Variants in CHCHD3 observed in about 807,000 individuals in gnomAD.
CHCHD3 encodes the protein coiled-coil-helix-coiled-coil-helix domain containing 3, also known as MICOS complex subunit MIC19.
CHCHD3 carries 20 observed loss-of-function variants against 38.2 expected under a neutral mutation model. The ratio of observed to expected loss-of-function variants is 0.52; its 90% CI spans 0.37 to 0.76. The LOEUF is 0.76. Among genes scored for constraint, CHCHD3 ranks in the 30% least tolerant of loss-of-function variants. The probability of loss-of-function intolerance (pLI) is 0.00; values close to 1 mark genes in which losing one functional copy is unlikely to be tolerated. For missense variants in CHCHD3, 245 were observed against 279.2 expected (o/e 0.88, Z 0.87); for synonymous variants, 82 against 100.0 (o/e 0.82, Z 1.07).
At chr7:132,795,197 C>T (rs1459211724) in intron 7 of CHCHD3, among the ~76,000 whole-genome samples, 1 of 152,200 alleles carries the variant, frequency 6.6e-6, no homozygotes, top group Non-Finnish European at 1.5e-5. Context: ...CAATAAGGCA[C>T]TATTATCAAG....
intron 2 of CHCHD3, among the ~76,000 whole-genome samples, chr7:133,056,652 A>G (rs867690584): frequency 5.3e-5 from 8 of 152,224 alleles, no homozygotes; most frequent in Admixed American, 1.3e-4. Context: ...GTAGACAGAA[A>G]GTAGTTCACT....
intron 2 of CHCHD3, among the ~76,000 whole-genome samples, chr7:133,025,049 C>T (rs1813299013): frequency 6.6e-6 from 1 of 152,158 alleles, no homozygotes; most frequent in Non-Finnish European, 1.5e-5. Context: ...AAACAACTAA[C>T]AAAATCATGT....
intron 3 of CHCHD3, among the ~76,000 whole-genome samples, chr7:132,986,288 C>T (rs1221637239): frequency 1.0e-4 from 15 of 148,496 alleles, no homozygotes; most frequent in Non-Finnish European, 2.1e-4. Flanking sequence ...GGGTCCTCTG[C>T]CTAGGAAAAC....
chr7:132,865,464 C>T (rs1431162875), intron 5 of CHCHD3, among the ~76,000 whole-genome samples: 1 of 152,126 alleles, frequency 6.6e-6, no homozygotes, highest in Non-Finnish European at 1.5e-5. Flanking sequence ...AGCAATCAGG[C>T]CTTCTCTGTT....
chr7:132,874,466 T>C (rs1371007606), intron 5 of CHCHD3, among the ~76,000 whole-genome samples: 1 of 152,246 alleles, frequency 6.6e-6, no homozygotes, highest in Non-Finnish European at 1.5e-5. Context: ...CTCTTTCACT[T>C]GCTCCTTCAG....
intron 3 of CHCHD3, among the ~76,000 whole-genome samples, chr7:132,992,867 G>A (rs1235570663): frequency 6.6e-6 from 1 of 152,094 alleles, no homozygotes. Context: ...AATAACTGGT[G>A]TGTTTGATCT....
chr7:132,858,161 C>G (rs896662792), intron 5 of CHCHD3, among the ~76,000 whole-genome samples: 1 of 152,142 alleles, frequency 6.6e-6, no homozygotes, highest in Non-Finnish European at 1.5e-5. Context: ...CTCACAGGTT[C>G]AAGCAATTCG....
At chr7:132,986,196 T>G in intron 3 of CHCHD3, among the ~76,000 whole-genome samples, 1 of 149,862 alleles carries the variant, frequency 6.7e-6, no homozygotes, top group Non-Finnish European at 1.5e-5. Flanking sequence ...AAACAGATGC[T>G]TGAAGGCAGC....
At chr7:133,028,387 T>C (rs541059339) in intron 2 of CHCHD3, among the ~76,000 whole-genome samples, 1 of 152,284 alleles carries the variant, frequency 6.6e-6, no homozygotes, top group East Asian at 1.9e-4. Context: ...CACATCTTTC[T>C]TATTGTTGTC....
At chr7:132,919,228 C>T (rs947627802) in intron 4 of CHCHD3, among the ~76,000 whole-genome samples, 2 of 150,010 alleles carry the variant, frequency 1.3e-5, no homozygotes, top group East Asian at 4.0e-4. Flanking sequence ...CCTGCCTCAG[C>T]TTCCCAAGTA....
At chr7:133,005,622 T>C (rs1812679540) in intron 3 of CHCHD3, among the ~76,000 whole-genome samples, 2 of 152,244 alleles carry the variant, frequency 1.3e-5, no homozygotes, top group African/African-American at 4.8e-5. Flanking sequence ...TATTTGATTT[T>C]CCTTTTTTTG....
chr7:132,909,071 G>T (rs77283305), intron 4 of CHCHD3, among the ~76,000 whole-genome samples: 2 of 152,018 alleles, frequency 1.3e-5, no homozygotes, highest in South Asian at 4.2e-4. Flanking sequence ...CTTTTCCCCC[G>T]TTTGTTTGGC....
chr7:132,898,711 G>A (rs1294656207), intron 4 of CHCHD3, among the ~76,000 whole-genome samples: 1 of 152,254 alleles, frequency 6.6e-6, no homozygotes, highest in African/African-American at 2.4e-5. Context: ...GCGGGTGGGA[G>A]GCTCACGCAT....
intron 5 of CHCHD3, among the ~76,000 whole-genome samples, chr7:132,852,041 C>T (rs144527576): frequency 9.5e-4 from 144 of 152,210 alleles, no homozygotes; most frequent in Non-Finnish European, 1.7e-3. Context: ...TCAGCCTTAC[C>T]GTAGATGAAG....
chr7:132,904,022 G>A (rs1809732865), intron 4 of CHCHD3, among the ~76,000 whole-genome samples: 1 of 152,142 alleles, frequency 6.6e-6, no homozygotes. Context: ...CATTTTGGGA[G>A]GCTGAGGTGG....
chr7:132,796,495 T>C lies in CHCHD3; in HGVS notation c.607A>G (p.Lys203Glu). ...CYRENTHQTL[K>E]CSALATQYMH... The stretch of plus-strand genomic sequence containing the variant: ...TACTGGGTGGCCAGAGCGGAGCATT[T>C]GAGGGTCTGGTGGGTGTTCTCACGG... Residue 203 changes from lysine (K) to glutamate (E), a missense_variant, in exon 7 of 8, where the codon AAA (lysine) becomes GAA (glutamate). Coordinates refer to ENST00000262570, the MANE Select transcript of CHCHD3 (RefSeq NM_017812.4). 6.2e-7 allele frequency: 1 copy of C among 1,613,924 alleles called. No individual in the cohort carries two copies. The highest frequency in any genetic ancestry group is 8.5e-7 in the Non-Finnish European group (1 of 1,179,890).
At chr7:132,970,622 T>C (rs780167179) in intron 4 of CHCHD3, among the ~76,000 whole-genome samples, 8 of 152,184 alleles carry the variant, frequency 5.3e-5, no homozygotes, top group Non-Finnish European at 1.2e-4. Flanking sequence ...ATTTTGTCTT[T>C]TATTCATAGA....
chr7:132,806,873 C>A (rs1806933523), intron 6 of CHCHD3, among the ~76,000 whole-genome samples: 1 of 152,076 alleles, frequency 6.6e-6, no homozygotes, highest in Non-Finnish European at 1.5e-5. Context: ...GTTTTCAATT[C>A]TTTGAAAGAA....
At chr7:132,842,903 C>A (rs1807977336) in intron 5 of CHCHD3, among the ~76,000 whole-genome samples, 1 of 152,142 alleles carries the variant, frequency 6.6e-6, no homozygotes, top group Non-Finnish European at 1.5e-5. Context: ...TGATATCTTG[C>A]AGGAGATACT....
Sources: allele counts gnomAD v4.1 joint callset (sites outside exome capture counted in the v4.1 genomes callset), GRCh38; gene constraint gnomAD v4.1.1; transcripts MANE v1.5; gene names NCBI Gene and HGNC (gene_info 2026-07-23, HGNC 2026-07-21).